Variants in HS6ST3 observed in about 807,000 individuals in gnomAD.
HS6ST3 encodes heparan sulfate 6-O-sulfotransferase 3.
In HS6ST3, 12 loss-of-function variants were observed where a neutral mutation model predicts 36.7. That is an observed-to-expected ratio of 0.33 (90% confidence interval 0.21 to 0.53). The LOEUF (loss-of-function observed/expected upper bound fraction) is 0.53, where lower values mean the gene tolerates loss of function less well. Ranked by LOEUF, HS6ST3 falls within the 20% of genes least tolerant of loss-of-function variation. The probability of loss-of-function intolerance (pLI) is 0.95; values close to 1 mark genes in which losing one functional copy is unlikely to be tolerated. For synonymous variants in HS6ST3, 240 were observed against 257.5 expected (o/e 0.93, Z 0.65); for missense variants, 584 against 640.9 (o/e 0.91, Z 0.96).
chr13:96,780,716 A>G (rs1173410910), intron 1 of HS6ST3, among the ~76,000 whole-genome samples: 4 of 152,242 alleles, frequency 2.6e-5, no homozygotes, highest in African/African-American at 9.6e-5. Context: ...TGAGGAGGGC[A>G]AGTTAAAGCC....
intron 1 of HS6ST3, among the ~76,000 whole-genome samples, chr13:96,277,547 A>G (rs1378867578): frequency 6.6e-6 from 1 of 152,196 alleles, no homozygotes; most frequent in Non-Finnish European, 1.5e-5. Context: ...AGATTTTCCA[A>G]ATATCCTTGT....
rs577367974 is a variant in HS6ST3 at position 96,419,272 on chromosome 13, C to T, written c.707+327703C>T. ...TTTTCCGTTTTAATGTGAAACCATC[C>T]TTCAAGACTCTGCCACAGGAAGAGA... On this transcript the variant is annotated intron_variant, in intron 1 of 1. Transcript: ENST00000376705. Among the ~76,000 whole-genome samples, 7 of 152,262 alleles carry T rather than the reference C, an allele frequency of 4.6e-5. No homozygotes were observed. The South Asian group carries it at 1.5e-3, about 32-fold the overall frequency.
chr13:96,116,347 T>G (rs1670257685), intron 1 of HS6ST3, among the ~76,000 whole-genome samples: 1 of 152,120 alleles, frequency 6.6e-6, no homozygotes, highest in South Asian at 2.1e-4. Flanking sequence ...GCCAATCAGC[T>G]ATAGTCAGGT....
chr13:96,317,472 G>A lies in HS6ST3; in HGVS notation c.707+225903G>A, dbSNP rs573957085. On this transcript the variant is annotated intron_variant, in intron 1 of 1. Coordinates refer to ENST00000376705, the MANE Select transcript of HS6ST3 (RefSeq NM_153456.4). ...TCTTTATCCAGTCCACTATTGATGGGCACTTAGATCTTCCATGTCTTTGCT... is the reference window on the plus strand; with the variant it reads ...TCTTTATCCAGTCCACTATTGATGGACACTTAGATCTTCCATGTCTTTGCT... Among the ~76,000 whole-genome samples, 6 of 149,006 alleles carry A rather than the reference G, an allele frequency of 4.0e-5. No homozygotes were observed. In the Admixed American group the frequency reaches 4.1e-4, roughly 10 times the overall value.
chr13:96,795,697 C>T (rs932622096), intron 1 of HS6ST3, among the ~76,000 whole-genome samples: 20 of 152,238 alleles, frequency 1.3e-4, no homozygotes, highest in South Asian at 2.1e-4. Context: ...TCCAGGCTGA[C>T]GCCCAGAGGG....
intron 1 of HS6ST3, among the ~76,000 whole-genome samples, chr13:96,724,452 T>C (rs1875947745): frequency 6.6e-6 from 1 of 152,194 alleles, no homozygotes; most frequent in Admixed American, 6.6e-5. Flanking sequence ...ATCATTACAA[T>C]CAAGATACTG....
chr13:96,226,163 ACAAC>A (rs1477674091), intron 1 of HS6ST3, among the ~76,000 whole-genome samples: 4 of 152,220 alleles, frequency 2.6e-5, no homozygotes, highest in African/African-American at 9.6e-5. Context: ...ACACTTAAAA[ACAAC>A]CAACCAATAG....
chr13:96,492,065 C>T (rs1001337706), intron 1 of HS6ST3, among the ~76,000 whole-genome samples: 1 of 152,072 alleles, frequency 6.6e-6, no homozygotes, highest in African/African-American at 2.4e-5. Flanking sequence ...AGGACAAAAC[C>T]CCCTGATTTA....
chr13:96,666,089 C>G (rs2056663411), intron 1 of HS6ST3, among the ~76,000 whole-genome samples: 1 of 152,104 alleles, frequency 6.6e-6, no homozygotes, highest in Non-Finnish European at 1.5e-5. Context: ...TGGGGAAGCT[C>G]AAGAAACTTA....
intron 1 of HS6ST3, among the ~76,000 whole-genome samples, chr13:96,200,701 T>G (rs9919858): frequency 0.012 from 1,784 of 152,340 alleles, 38 homozygotes; most frequent in African/African-American, 0.041. Context: ...ATTTTTGTTT[T>G]GCTCGCTAAT....
At chr13:96,736,042 G>C (rs982374188) in intron 1 of HS6ST3, among the ~76,000 whole-genome samples, 1 of 152,022 alleles carries the variant, frequency 6.6e-6, no homozygotes, top group African/African-American at 2.4e-5. Flanking sequence ...ACACAGAGGG[G>C]AACAGCACAC....
At chr13:96,656,983 G>C (rs1423061195) in intron 1 of HS6ST3, among the ~76,000 whole-genome samples, 1 of 137,036 alleles carries the variant, frequency 7.3e-6, no homozygotes, top group Admixed American at 7.6e-5. Flanking sequence ...GTGTGTGTGT[G>C]TGTGTGTGTG....
intron 1 of HS6ST3, among the ~76,000 whole-genome samples, chr13:96,269,013 A>G (rs557449690): frequency 6.6e-6 from 1 of 152,014 alleles, no homozygotes; most frequent in African/African-American, 2.4e-5. Context: ...GCCTGAAAAC[A>G]TTCCTGAATG....
At chr13:96,742,025 A>G (rs746930481) in intron 1 of HS6ST3, among the ~76,000 whole-genome samples, 28 of 152,176 alleles carry the variant, frequency 1.8e-4, no homozygotes, top group Non-Finnish European at 3.8e-4. Flanking sequence ...AGGCTTTGTC[A>G]TCTTTAAAGT....
chr13:96,248,302 A>G (rs2054593311), intron 1 of HS6ST3, among the ~76,000 whole-genome samples: 1 of 152,154 alleles, frequency 6.6e-6, no homozygotes, highest in African/African-American at 2.4e-5. Flanking sequence ...AAGTGTTTGC[A>G]TAGCTTCTGT....
intron 1 of HS6ST3, among the ~76,000 whole-genome samples, chr13:96,231,947 C>T (rs1321029799): frequency 6.6e-6 from 1 of 152,148 alleles, no homozygotes; most frequent in African/African-American, 2.4e-5. Flanking sequence ...TTAATGACAC[C>T]AGTGTGAAGG....
At chr13:96,327,844 CT>C (rs1195486967) in intron 1 of HS6ST3, among the ~76,000 whole-genome samples, 1 of 150,130 alleles carries the variant, frequency 6.7e-6, no homozygotes, top group Non-Finnish European at 1.5e-5. Flanking sequence ...TTTGTATCCT[CT>C]TTTATTTCCT....
At chr13:96,722,893 C>T (rs912493646) in intron 1 of HS6ST3, among the ~76,000 whole-genome samples, 5 of 152,104 alleles carry the variant, frequency 3.3e-5, no homozygotes, top group Admixed American at 2.6e-4. Flanking sequence ...GGGAAGATTG[C>T]TTGAGCCCGA....
chr13:96,098,983 A>G (rs890514229), intron 1 of HS6ST3, among the ~76,000 whole-genome samples: 1 of 152,058 alleles, frequency 6.6e-6, no homozygotes, highest in Admixed American at 6.5e-5. Context: ...TCGCTCTGTC[A>G]CCCAAACTGG....
Sources: allele counts gnomAD v4.1 joint callset (sites outside exome capture counted in the v4.1 genomes callset), GRCh38; gene constraint gnomAD v4.1.1; transcripts MANE v1.5; gene names NCBI Gene and HGNC (gene_info 2026-07-23, HGNC 2026-07-21).